Variants in DNAH9 observed in about 807,000 individuals in gnomAD.
The protein encoded by DNAH9 is DNAH9 variant protein.
In DNAH9, 345 loss-of-function variants were observed where a neutral mutation model predicts 471.6. The ratio of observed to expected loss-of-function variants is 0.73; its 90% CI spans 0.67 to 0.80. DNAH9 has a LOEUF of 0.80. Ranked by LOEUF, DNAH9 falls within the 30% of genes least tolerant of loss-of-function variation. The pLI is 0.00. For synonymous variants in DNAH9, 2,093 were observed against 2,123.6 expected, an observed-to-expected ratio of 0.99 and a Z score of 0.40; for missense variants, 5,407 against 5,609.2, an observed-to-expected ratio of 0.96 and a Z score of 1.15.
chr17:11,630,464 T>C (rs1359858756), intron 7 of DNAH9: 3 of 152,368 alleles, frequency 2.0e-5, no homozygotes, highest in African/African-American at 7.2e-5. Flanking sequence ...CTGTATTGCT[T>C]TGCTGTCTCA....
At position 11,902,851 on chromosome 17, in the gene DNAH9, G is replaced by A; in HGVS notation, c.11539G>A (p.Ala3847Thr). 3 of 1,613,950 alleles carry A rather than the reference G, an allele frequency of 1.9e-6. No homozygotes were observed. Among genetic ancestry groups the A allele is most frequent in the South Asian group, 2.2e-5 (2 of 91,072 alleles). The change falls in exon 60 of 69, where the codon GCC (alanine) becomes ACC (threonine). Residue 3847 changes from alanine to threonine, a missense_variant. Around this residue, in one of 3 missense-constraint regions of DNAH9, gnomAD observed 4,636 missense variants for 4,900.3 expected, o/e 0.95. Coordinates refer to ENST00000262442, the MANE Select transcript of DNAH9 (RefSeq NM_001372.4). The stretch of plus-strand genomic sequence containing the variant: ...CCCACAGGAGTGGAAGAACAAGACA[G>A]CCCTGCAGCGCCTCTGCATGCTGAG... The part of the protein sequence containing the change: ...KLPQEWKNKT[A>T]LQRLCMLRAM...
intron 6 of DNAH9, among the ~76,000 whole-genome samples, chr17:11,622,043 G>A (rs111394284): frequency 8.0e-5 from 12 of 149,532 alleles, no homozygotes; most frequent in African/African-American, 1.7e-4. Flanking sequence ...CTGAGATCGC[G>A]CCACTGCACT....
chr17:11,809,660 A>G (rs975868451), intron 44 of DNAH9, among the ~76,000 whole-genome samples: 3 of 152,200 alleles, frequency 2.0e-5, no homozygotes, highest in African/African-American at 7.2e-5. Flanking sequence ...CCTCACTCTC[A>G]GTCAAGACCA....
rs374351973 is a variant in DNAH9, at chr17:11,625,113, G to A, written c.1351-4304G>A. Among the ~76,000 whole-genome samples the A allele has an allele frequency of 5.9e-5, 9 of 151,982 alleles. 1 individual carries two copies. In the South Asian group the frequency reaches 1.0e-3, roughly 18 times the overall value. ...ACACACACACCGAGTTCATTTTTGCGTCATAGAGTTGTAGATTCTGCAGAT... is the reference window on the plus strand; with the variant it reads ...ACACACACACCGAGTTCATTTTTGCATCATAGAGTTGTAGATTCTGCAGAT... On this transcript the variant is annotated intron_variant, in intron 6 of 68. Coordinates refer to ENST00000262442, the MANE Select transcript of DNAH9 (RefSeq NM_001372.4).
rs887227645 is a variant in DNAH9 at position 11,704,213 on chromosome 17, C to A, written c.5162C>A (p.Thr1721Asn). The A allele has an allele frequency of 2.5e-6, 4 of 1,614,040 alleles. No homozygotes were observed. The highest frequency in any genetic ancestry group is 3.4e-6 in the Non-Finnish European group (4 of 1,179,940). The change falls in exon 25 of 69, where the codon ACC (threonine) becomes AAC (asparagine). Residue 1721 changes from threonine to asparagine, a missense_variant. Transcript: ENST00000262442. ...LFDHPAQVAL[T>N]CTQIWWTTEV... ...CTCTTGCTGCCACAGGTGGCCCTGACCTGTACTCAGATCTGGTGGACAACA... is the reference window on the plus strand; with the variant it reads ...CTCTTGCTGCCACAGGTGGCCCTGAACTGTACTCAGATCTGGTGGACAACA...
chr17:11,830,670 T>C (rs6502169), intron 48 of DNAH9, among the ~76,000 whole-genome samples: 5,210 of 152,284 alleles, frequency 0.034, 310 homozygotes, highest in African/African-American at 0.12. Flanking sequence ...ATCAAGACGT[T>C]TTTGATGGCA....
intron 50 of DNAH9, among the ~76,000 whole-genome samples, chr17:11,863,480 C>A (rs918141044): frequency 6.6e-6 from 1 of 152,104 alleles, no homozygotes; most frequent in Non-Finnish European, 1.5e-5. Context: ...GTCTAAAATT[C>A]TCTTTTTTGG....
chr17:11,839,364 A>C (rs534038788), intron 49 of DNAH9, among the ~76,000 whole-genome samples: 52 of 151,442 alleles, frequency 3.4e-4, no homozygotes, highest in Admixed American at 2.2e-3. Context: ...AAAATACAAA[A>C]AATTAGCCGG....
In DNAH9 at chr17:11,883,567, T is replaced by C. The variant is rs752765394; in HGVS notation, c.10807-19T>C. On this transcript the variant is annotated intron_variant, in intron 55 of 68. Coordinates refer to ENST00000262442, the MANE Select transcript of DNAH9 (RefSeq NM_001372.4). ...CCCTGGGCATCTGCACCTGACTGTC[T>C]CTTGCTTGATATTTGCAGTCCGATC... 6.2e-7 allele frequency: 1 copy of C among 1,613,416 alleles called. No individual in the cohort carries two copies. The highest frequency in any genetic ancestry group is 8.5e-7 in the Non-Finnish European group (1 of 1,179,554).
rs140141403 is a variant in DNAH9 at position 11,707,044 on chromosome 17, C to T, written c.5552+1859C>T. Among the ~76,000 whole-genome samples, 11 of 152,278 alleles carry T rather than the reference C, an allele frequency of 7.2e-5. No individual in the cohort carries two copies. In the East Asian group the frequency reaches 1.5e-3, roughly 21 times the overall value. ...TATGAAGATTCATCTGACAGCACAACACAGGTAAAGGACAGTGAGGGCAGA... is the reference window on the plus strand; with the variant it reads ...TATGAAGATTCATCTGACAGCACAATACAGGTAAAGGACAGTGAGGGCAGA... On this transcript the variant is annotated intron_variant, in intron 26 of 68. Transcript: ENST00000262442.
At chr17:11,770,096 G>A (rs1332974890) in intron 38 of DNAH9, among the ~76,000 whole-genome samples, 2 of 152,270 alleles carry the variant, frequency 1.3e-5, no homozygotes, top group Admixed American at 1.3e-4. Flanking sequence ...GCTTTCCCAG[G>A]TGACACTGCA....
In DNAH9 at chr17:11,745,055, C is replaced by T; in HGVS notation, c.6370C>T (p.Leu2124Phe). Residue 2124 changes from leucine to phenylalanine, a missense_variant, in exon 31 of 69, where the codon CTC becomes TTC. This residue lies in a region of DNAH9 where 4,636 missense variants were observed against 4,900.3 expected (regional missense o/e 0.95). Coordinates refer to ENST00000262442, the MANE Select transcript of DNAH9 (RefSeq NM_001372.4). The part of the protein sequence containing the change: ...LVRKAIVDLK[L>F]QAEDNFVLKV... ...TAGGAAGGCGATAGTGGATCTGAAG[C>T]TCCAGGCTGAGGACAACTTTGTGCT... The T allele has an allele frequency of 1.9e-6, 3 of 1,613,710 alleles. No homozygotes were observed. The highest frequency in any genetic ancestry group is 2.5e-6 in the Non-Finnish European group (3 of 1,179,662).
At chr17:11,648,237 G>T (rs2073432732) in intron 12 of DNAH9, among the ~76,000 whole-genome samples, 1 of 152,146 alleles carries the variant, frequency 6.6e-6, no homozygotes, top group African/African-American at 2.4e-5. Flanking sequence ...ATAGCATATT[G>T]GTGTCTTTCA....
Position 11,600,781 on chromosome 17 carries a change from C to T in DNAH9, c.417+1866C>T, listed in dbSNP as rs76320325. ...ACAGGTGTGAGCCACCATGTCCAACCGGAGTTATTCCTTAGGGTAATTTTT... is the reference window on the plus strand; with the variant it reads ...ACAGGTGTGAGCCACCATGTCCAACTGGAGTTATTCCTTAGGGTAATTTTT... On this transcript the variant is annotated intron_variant, in intron 1 of 68. Transcript: ENST00000262442. Among the ~76,000 whole-genome samples the T allele has an allele frequency of 5.8e-3, 882 of 152,190 alleles. 12 individuals carry two copies. The highest frequency in any genetic ancestry group is 0.02 in the African/African-American group (815 of 41,518).
intron 32 of DNAH9, among the ~76,000 whole-genome samples, chr17:11,750,205 G>T (rs1306270791): frequency 6.6e-6 from 1 of 151,954 alleles, no homozygotes; most frequent in Non-Finnish European, 1.5e-5. Flanking sequence ...GGCCAAGATG[G>T]GAAGATCATT....
intron 38 of DNAH9, among the ~76,000 whole-genome samples, chr17:11,780,382 G>A (rs1443808982): frequency 1.3e-5 from 2 of 152,188 alleles, no homozygotes; most frequent in African/African-American, 4.8e-5. Flanking sequence ...CATCCATTGA[G>A]GCCTCTCTTA....
chr17:11,935,423 T>A (rs1187858410), intron 65 of DNAH9, among the ~76,000 whole-genome samples: 1 of 150,940 alleles, frequency 6.6e-6, no homozygotes, highest in Non-Finnish European at 1.5e-5. Context: ...TCACCCAGGC[T>A]GGAGTGGAAT....
At chr17:11,643,774 A>G (rs2073324718) in intron 10 of DNAH9, among the ~76,000 whole-genome samples, 1 of 152,234 alleles carries the variant, frequency 6.6e-6, no homozygotes, top group Non-Finnish European at 1.5e-5. Context: ...AATACACTCT[A>G]TGATCAATAC....
At chr17:11,601,500 GC>G (rs920464887) in intron 1 of DNAH9, among the ~76,000 whole-genome samples, 5 of 152,184 alleles carry the variant, frequency 3.3e-5, no homozygotes, top group Admixed American at 1.3e-4. Flanking sequence ...TTAAATTTTT[GC>G]CCCATGTAAA....
Sources: gnomAD v4.1 joint callset for allele counts (sites outside exome capture counted in the v4.1 genomes callset) on GRCh38, gnomAD v4.1.1 for gene constraint, gnomAD v4.1.1 regional missense constraint, MANE v1.5 for transcripts, NCBI Gene and HGNC (gene_info 2026-07-23, HGNC 2026-07-21) for gene names.